The following RFX3 variants were observed in gnomAD, a reference collection of about 807,000 sequenced individuals.
The protein encoded by RFX3 is transcription factor RFX3.
Under a neutral mutation model 98.6 loss-of-function variants are expected in RFX3, and 14 were observed. The ratio of observed to expected loss-of-function variants is 0.14; its 90% CI spans 0.09 to 0.22. The LOEUF (loss-of-function observed/expected upper bound fraction) is 0.22, where lower values mean the gene tolerates loss of function less well. RFX3 is among the 10% of genes least tolerant of loss of function. The pLI, the probability that RFX3 is intolerant of heterozygous loss-of-function variation, is 1.00. For missense variants in RFX3, 639 were observed against 926.9 expected (o/e 0.69, Z 4.03); for synonymous variants, 383 against 328.4 (o/e 1.17, Z -1.80).
At chr9:3,232,211 C>A (rs961529183) in intron 15 of RFX3, among the ~76,000 whole-genome samples, 1 of 152,194 alleles carries the variant, frequency 6.6e-6, no homozygotes, top group Non-Finnish European at 1.5e-5. Context: ...AATTTCTCCT[C>A]TTGCACAAAG....
chr9:3,308,138 C>A (rs1178894667), intron 4 of RFX3, among the ~76,000 whole-genome samples: 1 of 151,948 alleles, frequency 6.6e-6, no homozygotes, highest in Non-Finnish European at 1.5e-5. Flanking sequence ...AAATGATCAC[C>A]CTGGGACTGA....
chr9:3,275,570 G>A lies in RFX3; in HGVS notation c.1016C>T (p.Ser339Phe). Residue 339 changes from serine (S) to phenylalanine (F), a missense_variant, in exon 9 of 17, where the codon TCT (serine) becomes TTT (phenylalanine). Ser to Phe is a radical substitution (Grantham distance 155). Transcript: ENST00000617270. Reference sequence around the variant, plus strand: ...AAAGGTAGTACCATCTGGCAGAGAAGAGATTTCAACTTCTCCAAACTCTGG... The same window carrying A: ...AAAGGTAGTACCATCTGGCAGAGAAAAGATTTCAACTTCTCCAAACTCTGG... Reference protein sequence around the residue: ...ALPEFGEVEISSLPDGTTFED... With the variant: ...ALPEFGEVEIFSLPDGTTFED... The A allele has an allele frequency of 1.9e-6, 3 of 1,612,782 alleles. No homozygotes were observed. Among genetic ancestry groups the A allele is most frequent in the Non-Finnish European group, 2.5e-6 (3 of 1,179,014 alleles).
chr9:3,340,342 G>A (rs1287495312), intron 3 of RFX3, among the ~76,000 whole-genome samples: 2 of 152,124 alleles, frequency 1.3e-5, no homozygotes, highest in Non-Finnish European at 2.9e-5. Context: ...CATAAGCATG[G>A]GCAAGGACTT....
chr9:3,228,936 A>T, intron 15 of RFX3, 47 bp from the exon 16 acceptor site: 1 of 1,499,354 alleles, frequency 6.7e-7, no homozygotes, highest in Non-Finnish European at 9.2e-7. Flanking sequence ...AGGGCAGAAT[A>T]AAATAATACT....
intron 15 of RFX3, among the ~76,000 whole-genome samples, chr9:3,235,509 T>C (rs1819028295): frequency 1.3e-5 from 2 of 152,210 alleles, no homozygotes; most frequent in South Asian, 2.1e-4. Flanking sequence ...AAGACAAACT[T>C]ATTATTTTGT....
At chr9:3,402,717 C>G (rs1005024110) in intron 1 of RFX3, among the ~76,000 whole-genome samples, 2 of 151,488 alleles carry the variant, frequency 1.3e-5, no homozygotes, top group African/African-American at 2.4e-5. Context: ...CATCAGCATT[C>G]CTAAATAAAT....
chr9:3,326,195 C>A (rs867341192), intron 4 of RFX3, among the ~76,000 whole-genome samples: 1 of 151,858 alleles, frequency 6.6e-6, no homozygotes, highest in African/African-American at 2.4e-5. Flanking sequence ...TAATTATACA[C>A]ACATGGACCA....
intron 13 of RFX3, among the ~76,000 whole-genome samples, chr9:3,261,656 TACA>T (rs1432224504): frequency 6.6e-6 from 1 of 152,134 alleles, no homozygotes; most frequent in African/African-American, 2.4e-5. Flanking sequence ...CTCTTGGGTA[TACA>T]ACAAGGAGTT....
intron 4 of RFX3, among the ~76,000 whole-genome samples, chr9:3,315,363 C>T (rs1248643753): frequency 6.6e-6 from 1 of 152,190 alleles, no homozygotes; most frequent in African/African-American, 2.4e-5. Flanking sequence ...CTCTAGGACA[C>T]ATTTAAAGCA....
At chr9:3,393,914 C>CCAAA (rs1484513760) in intron 2 of RFX3, among the ~76,000 whole-genome samples, 1 of 151,990 alleles carries the variant, frequency 6.6e-6, no homozygotes, top group African/African-American at 2.4e-5. Context: ...CCCTAGAAGC[C>CCAAA]CAAACCCCAC....
At chr9:3,427,962 G>A (rs1032730525) in intron 1 of RFX3, among the ~76,000 whole-genome samples, 1 of 152,038 alleles carries the variant, frequency 6.6e-6, no homozygotes, top group Non-Finnish European at 1.5e-5. Context: ...AGGTGCCACT[G>A]TTTCTGCTTG....
chr9:3,247,508 G>A, intron 15 of RFX3: 1 of 767,952 alleles, frequency 1.3e-6, no homozygotes, highest in Non-Finnish European at 1.6e-6. Context: ...TCAAAGACTT[G>A]CATTAAGTGC....
chr9:3,470,927 A>C (rs562253637), intron 1 of RFX3, among the ~76,000 whole-genome samples: 4 of 152,328 alleles, frequency 2.6e-5, no homozygotes, highest in Admixed American at 1.3e-4. Flanking sequence ...GAACAGATAA[A>C]AAATCTCTGG....
At chr9:3,475,524 G>A (rs1338853942) in intron 1 of RFX3, among the ~76,000 whole-genome samples, 2 of 152,182 alleles carry the variant, frequency 1.3e-5, no homozygotes, top group Non-Finnish European at 2.9e-5. Context: ...CAGAGAGAGA[G>A]GGAGAGAGAG....
chr9:3,235,651 C>G (rs548670098), intron 15 of RFX3, among the ~76,000 whole-genome samples: 2 of 152,210 alleles, frequency 1.3e-5, no homozygotes, highest in South Asian at 2.1e-4. Context: ...GAGGTTGTCA[C>G]CATTCCTTGG....
intron 4 of RFX3, among the ~76,000 whole-genome samples, chr9:3,322,725 T>G (rs899669646): frequency 6.6e-6 from 1 of 152,114 alleles, no homozygotes; most frequent in Admixed American, 6.5e-5. Flanking sequence ...AGAGTGAGAC[T>G]CCATCTCGAA....
At chr9:3,463,173 T>C (rs1436952931) in intron 1 of RFX3, among the ~76,000 whole-genome samples, 1 of 152,138 alleles carries the variant, frequency 6.6e-6, no homozygotes, top group Non-Finnish European at 1.5e-5. Context: ...AAATAGGGTA[T>C]TGTCATAAAG....
chr9:3,333,436 T>TTTTG (rs200788358), intron 3 of RFX3, among the ~76,000 whole-genome samples: 25,438 of 132,008 alleles, frequency 0.19, 2,192 homozygotes, highest in African/African-American at 0.25. Context: ...ATAGAAAATG[T>TTTTG]TTTTTTTTTT....
intron 2 of RFX3, among the ~76,000 whole-genome samples, chr9:3,347,891 A>C (rs1040654353): frequency 2.6e-5 from 4 of 152,192 alleles, no homozygotes; most frequent in Non-Finnish European, 2.9e-5. Context: ...TTGTATTTCT[A>C]AGAGATAGGA....
Sources: allele counts gnomAD v4.1 joint callset (sites outside exome capture counted in the v4.1 genomes callset), GRCh38; gene constraint gnomAD v4.1.1; transcripts MANE v1.5; gene names NCBI Gene and HGNC (gene_info 2026-07-23, HGNC 2026-07-21).